Variants in BSN observed in about 807,000 individuals in gnomAD.
BSN encodes the protein bassoon presynaptic cytomatrix protein.
A neutral mutation model predicts 264.8 loss-of-function variants in BSN; 57 were observed. That is an observed-to-expected ratio of 0.22 (90% CI 0.17 to 0.27). The LOEUF is 0.27. Among genes scored for constraint, BSN ranks in the 10% least tolerant of loss-of-function variants. BSN has a pLI of 1.00. For missense variants in BSN, 4,615 were observed against 5,232.5 expected (o/e 0.88, Z 3.64); for synonymous variants, 2,059 against 2,137.3 (o/e 0.96, Z 1.01).
Position 49,660,437 on chromosome 3 carries a change from G to A in BSN, c.8641-49G>A. On this transcript the variant is annotated intron_variant, in intron 5 of 11. Transcript: ENST00000296452. The surrounding 1 kb of genome is among the most constrained non-coding windows in gnomAD (Gnocchi z 7.1). ...GTTCTGCCACCCCACACCCCATCAAGTCACCACACCTTGGGTCTCAGTGCT... is the reference window on the plus strand; with the variant it reads ...GTTCTGCCACCCCACACCCCATCAAATCACCACACCTTGGGTCTCAGTGCT... 6.6e-7 allele frequency: 1 copy of A among 1,513,004 alleles called. No homozygotes were observed. Among genetic ancestry groups the A allele is most frequent in the Non-Finnish European group, 8.8e-7 (1 of 1,131,650 alleles). The allele number at this position is 1,513,004 out of a possible 1,614,324, so 93.7% of individuals were successfully genotyped here.
chr3:49,637,128 G>A (rs747603501), intron 2 of BSN, among the ~76,000 whole-genome samples: 6 of 152,244 alleles, frequency 3.9e-5, no homozygotes, highest in African/African-American at 1.2e-4. Flanking sequence ...GGCATCAGGC[G>A]TGATGTCAGT....
Position 49,657,207 on chromosome 3 carries a change from A to G in BSN, c.7651A>G (p.Ser2551Gly). The G allele has an allele frequency of 6.2e-7, 1 of 1,613,436 alleles. No individual in the cohort carries two copies. The change falls in exon 5 of 12, where the codon AGT becomes GGT. Residue 2551 changes from serine to glycine, a missense_variant. By Grantham distance (56) the Ser-to-Gly change is moderately conservative. Around this residue, in one of 3 missense-constraint regions of BSN, gnomAD observed 3,415 missense variants for 3,866.4 expected, o/e 0.88. Coordinates refer to ENST00000296452, the MANE Select transcript of BSN (RefSeq NM_003458.4). ...QTEEQWEASR[S>G]GIKKRHSMPR... ...GGAGGAGCAGTGGGAGGCCAGCCGTAGTGGCATCAAGAAGCGGCACTCCAT... is the reference window on the plus strand; with the variant it reads ...GGAGGAGCAGTGGGAGGCCAGCCGTGGTGGCATCAAGAAGCGGCACTCCAT...
chr3:49,594,481 A>G (rs2052005687), intron 1 of BSN, among the ~76,000 whole-genome samples: 2 of 152,214 alleles, frequency 1.3e-5, no homozygotes, highest in Non-Finnish European at 2.9e-5. Context: ...TCAATTTAGT[A>G]TAGCTGTGTG....
At chr3:49,623,847 G>T (rs1032595494) in intron 1 of BSN, among the ~76,000 whole-genome samples, 15 of 152,216 alleles carry the variant, frequency 9.9e-5, no homozygotes, top group African/African-American at 3.6e-4. Context: ...AGATTGGCCA[G>T]TATGGTATCT....
intron 1 of BSN, among the ~76,000 whole-genome samples, chr3:49,606,227 C>A (rs6771620): frequency 1.0e-3 from 14 of 13,674 alleles, no homozygotes; most frequent in Non-Finnish European, 1.8e-3. Context: ...ATTATATATA[C>A]ATATATTATA....
At position 49,651,465 on chromosome 3, in the gene BSN, G is replaced by C; in HGVS notation, c.1987-78G>C. 2 of 1,442,940 alleles carry C rather than the reference G, an allele frequency of 1.4e-6. No homozygotes were observed. The highest frequency in any genetic ancestry group is 2.7e-5 in the South Asian group (2 of 73,344). 89.4% of individuals were successfully genotyped at this position (1,442,940 alleles called of 1,614,324 possible). A position where few individuals can be genotyped will look rare whatever the true frequency, so the allele number is the denominator to read the frequency against. Reference sequence around the variant, plus strand: ...TGGACAGACTCTTCCCCAGGGTCCTGGGATTGACAGGGAGGATTGGGTTCC... The same window carrying C: ...TGGACAGACTCTTCCCCAGGGTCCTCGGATTGACAGGGAGGATTGGGTTCC... On this transcript the variant is annotated intron_variant, in intron 4 of 11. Coordinates refer to ENST00000296452, the MANE Select transcript of BSN (RefSeq NM_003458.4). This position sits in a 1 kb window ranked among gnomAD's most constrained non-coding sequence, Gnocchi z 5.4.
intron 2 of BSN, among the ~76,000 whole-genome samples, chr3:49,626,502 G>A (rs1489161290): frequency 6.6e-6 from 1 of 152,180 alleles, no homozygotes; most frequent in Non-Finnish European, 1.5e-5. Flanking sequence ...TGCCTTTGGA[G>A]TTGCTCCTGG....
chr3:49,554,938 C>A, intron 1 of BSN, 112 bp downstream of exon 1: 1 of 596,856 alleles, frequency 1.7e-6, no homozygotes. Flanking sequence ...TCCGGCCGCA[C>A]TCTGAACCCT....
intron 1 of BSN, among the ~76,000 whole-genome samples, chr3:49,599,871 G>A (rs2052058293): frequency 6.6e-6 from 1 of 152,138 alleles, no homozygotes; most frequent in Middle Eastern, 3.2e-3. Context: ...TCCTGGGTGG[G>A]TAACATGGAC....
chr3:49,584,051 T>C (rs1484976905), intron 1 of BSN, among the ~76,000 whole-genome samples: 3 of 151,928 alleles, frequency 2.0e-5, no homozygotes, highest in Admixed American at 6.6e-5. Flanking sequence ...TTTTTATTTT[T>C]ATTTTTTTTA....
Position 49,661,726 on chromosome 3 carries a change from A to G in BSN, c.9881A>G (p.Asp3294Gly), listed in dbSNP as rs373232983. ...YARGEEESEE[D>G]SYDPRGKGGH... ...AGAGGAGAAGAGGAATCTGAGGAGGACTCATACGATCCCCGCGGGAAGGGT... is the reference window on the plus strand; with the variant it reads ...AGAGGAGAAGAGGAATCTGAGGAGGGCTCATACGATCCCCGCGGGAAGGGT... Residue 3294 changes from aspartate to glycine, a missense_variant, in exon 6 of 12, where the codon GAC (aspartate) becomes GGC (glycine). Asp to Gly is a moderately conservative substitution (Grantham distance 94). This residue lies in a region of BSN where 3,415 missense variants were observed against 3,866.4 expected (regional missense o/e 0.88). Coordinates refer to ENST00000296452, the MANE Select transcript of BSN (RefSeq NM_003458.4). The G allele has an allele frequency of 1.2e-4, 199 of 1,613,296 alleles. No homozygotes were observed. Among genetic ancestry groups the G allele is most frequent in the Non-Finnish European group, 1.6e-4 (190 of 1,180,022 alleles).
Position 49,665,293 on chromosome 3 carries a change from C to T in BSN, c.*79C>T, listed in dbSNP as rs185739302. 48 of 163,562 alleles carry T rather than the reference C, an allele frequency of 2.9e-4. No individual in the cohort carries two copies. Among genetic ancestry groups the T allele is most frequent in the Middle Eastern group, 3.1e-3 (1 of 324 alleles). 10.1% of individuals were successfully genotyped at this position (163,562 alleles called of 1,614,324 possible). A position where few individuals can be genotyped will look rare whatever the true frequency, so the allele number is the denominator to read the frequency against. ...AAATCTCTGGAGTCAGAGGCCTGGG[C>T]GCAGCTCTGGACTCTGCGTATAACA... On this transcript the variant is annotated 3_prime_UTR_variant, in exon 11 of 12. Transcript: ENST00000296452.
chr3:49,578,182 G>A (rs962152380), intron 1 of BSN, among the ~76,000 whole-genome samples: 1 of 151,994 alleles, frequency 6.6e-6, no homozygotes, highest in African/African-American at 2.4e-5. Flanking sequence ...TTTTCTTAAA[G>A]ACAGGACCGT....
rs55919876 is a variant in BSN at position 49,589,082 on chromosome 3, A to ATTTT, written c.224+34267_224+34270dup. On this transcript the variant is annotated intron_variant, in intron 1 of 11. Coordinates refer to ENST00000296452, the MANE Select transcript of BSN (RefSeq NM_003458.4). ...GGCGCCTGCCACCACGCCTGGCTAA[A>ATTTT]TTTTTTTTTTTTTTGTATTTTTTAG... Among the ~76,000 whole-genome samples the ATTTT allele has an allele frequency of 1.1e-4, 15 of 132,448 alleles. 2 individuals are homozygous for ATTTT. The highest frequency in any genetic ancestry group is 2.2e-4 in the East Asian group (1 of 4,606). The allele number at this position is 132,448 out of a possible 152,430, so 86.9% of individuals were successfully genotyped here. A position where few individuals can be genotyped will look rare whatever the true frequency, so the allele number is the denominator to read the frequency against.
chr3:49,664,655 AGAGAGCCC>A, intron 9 of BSN, 101 bp downstream of exon 9: 1 of 1,543,834 alleles, frequency 6.5e-7, no homozygotes, highest in Non-Finnish European at 8.7e-7. Flanking sequence ...GAGGCCAGCC[AGAGAGCCC>A]ACCTGCTGAT....
chr3:49,658,380 C>A (rs745748200), intron 5 of BSN, among the ~76,000 whole-genome samples, 184 bp downstream of exon 5: 1 of 152,094 alleles, frequency 6.6e-6, no homozygotes, highest in Admixed American at 6.5e-5. Context: ...GCCCGGCAGA[C>A]AGCCTGGCAG....
chr3:49,605,098 A>G (rs1215408208), intron 1 of BSN, among the ~76,000 whole-genome samples: 6 of 149,236 alleles, frequency 4.0e-5, no homozygotes, highest in Non-Finnish European at 8.9e-5. Flanking sequence ...CATCTCTACT[A>G]AAAATACAAA....
chr3:49,671,940 CAAACT>C (rs561197347), downstream of BSN, among the ~76,000 whole-genome samples: 68 of 151,616 alleles, frequency 4.5e-4, no homozygotes, highest in Middle Eastern at 3.4e-3. This position sits in a 1 kb window ranked among gnomAD's most constrained non-coding sequence, Gnocchi z 4.1. Flanking sequence ...TTCCAACCCC[CAAACT>C]CTCACCGGCT....
In BSN at chr3:49,660,920, C is replaced by T. The variant is rs751817058; in HGVS notation, c.9075C>T (p.Cys3025=). The change falls in exon 6 of 12, where the codon TGC becomes TGT. Residue 3025 remains cysteine, a synonymous_variant. Transcript: ENST00000296452. The surrounding 1 kb of genome is among the most constrained non-coding windows in gnomAD (Gnocchi z 7.1). Reference sequence around the variant, plus strand: ...TCAACCAGCTGCGGCTCCAGGGCTGCACCACTCCCGCTGGCCAGTTTGTGG... The same window carrying T: ...TCAACCAGCTGCGGCTCCAGGGCTGTACCACTCCCGCTGGCCAGTTTGTGG... The part of the protein sequence containing the change: ...SELNQLRLQG[C]TTPAGQFVDF... 6.2e-7 allele frequency: 1 copy of T among 1,612,418 alleles called. No homozygotes were observed. Among genetic ancestry groups the T allele is most frequent in the Admixed American group, 1.7e-5 (1 of 60,036 alleles).
Sources: gnomAD v4.1 joint callset for allele counts (sites outside exome capture counted in the v4.1 genomes callset) on GRCh38, gnomAD v4.1.1 for gene constraint, gnomAD v4.1.1 regional missense constraint, Gnocchi (gnomAD v3.1) non-coding constraint, MANE v1.5 for transcripts, NCBI Gene and HGNC (gene_info 2026-07-23, HGNC 2026-07-21) for gene names.